The following VWF variants were observed in gnomAD, a reference collection of about 807,000 sequenced individuals.
The protein encoded by VWF is Factor VIII related antigen.
A neutral mutation model predicts 308.6 loss-of-function variants in VWF; 176 were observed. The ratio of observed to expected loss-of-function variants is 0.57; its 90% CI spans 0.50 to 0.65. The LOEUF is 0.65. VWF is among the 30% of genes least tolerant of loss of function. The probability of loss-of-function intolerance (pLI) is 0.00; values close to 1 mark genes in which losing one functional copy is unlikely to be tolerated. For synonymous variants in VWF, 1,385 were observed against 1,443.4 expected (o/e 0.96, Z 0.92); for missense variants, 3,146 against 3,648.2 (o/e 0.86, Z 3.55).
At chr12:5,968,189 A>C (rs766884340) in intron 45 of VWF, 22 bp from the exon 46 acceptor site, 2 of 1,613,748 alleles carry the variant, frequency 1.2e-6, no homozygotes, top group Non-Finnish European at 1.7e-6. Context: ...AAAAGTGCAG[A>C]GTGAGAGTGG....
intron 34 of VWF, among the ~76,000 whole-genome samples, chr12:6,009,129 A>G (rs1943964268): frequency 6.6e-6 from 1 of 152,148 alleles, no homozygotes; most frequent in Admixed American, 6.5e-5. Flanking sequence ...CAAAGAAACA[A>G]TCAACAGAAT....
intron 31 of VWF, 23 bp from the exon 32 acceptor site, chr12:6,013,668 A>C (rs764161202): frequency 6.8e-6 from 11 of 1,612,252 alleles, no homozygotes; most frequent in Middle Eastern, 4.2e-4. Flanking sequence ...AAGAGACAAG[A>C]AAGGATCTGT....
intron 28 of VWF, among the ~76,000 whole-genome samples, chr12:6,017,510 T>A (rs535620419): frequency 6.6e-6 from 1 of 152,224 alleles, no homozygotes; most frequent in Non-Finnish European, 1.5e-5. Context: ...AAAAGAAGGC[T>A]TATTATTCTG....
chr12:5,976,027 A>G lies in VWF; in HGVS notation c.7437+84T>C, dbSNP rs1047900455. On this transcript the variant is annotated intron_variant, in intron 43 of 51. Transcript: ENST00000261405. ...CGAGTCTCCATTTCAAAAAAAAAAG[A>G]ACCTTTCTTACCCTTCCTAAGATGC... is the stretch of plus-strand genomic sequence containing the variant. The G allele has an allele frequency of 5.9e-6, 9 of 1,537,688 alleles. No individual in the cohort carries two copies. In the Middle Eastern group the frequency reaches 6.9e-4, roughly 117 times the overall value.
chr12:6,120,328 G>GT (rs1041593699), intron 3 of VWF, among the ~76,000 whole-genome samples: 316 of 145,554 alleles, frequency 2.2e-3, no homozygotes, highest in African/African-American at 4.7e-3. Context: ...TTTGTGGGTT[G>GT]TTTTTTTTTT....
At chr12:6,054,577 T>C (rs1454354194) in intron 15 of VWF, among the ~76,000 whole-genome samples, 6 of 152,250 alleles carry the variant, frequency 3.9e-5, no homozygotes, top group Admixed American at 3.9e-4. Context: ...ATCCACTGCA[T>C]GCCAGGGGCT....
chr12:6,037,709 T>C (rs550585146), intron 18 of VWF, among the ~76,000 whole-genome samples: 14 of 152,158 alleles, frequency 9.2e-5, no homozygotes, highest in Admixed American at 2.6e-4. Context: ...CTGTGGCACC[T>C]TGGCTCCAGA....
Position 6,057,899 on chromosome 12 carries a change from T to TGGCAGTCCCC in VWF, c.1669_1678dup (p.Gln560ArgfsTer93). 2.5e-6 allele frequency: 4 copies of TGGCAGTCCCC among 1,612,762 alleles called. No individual in the cohort carries two copies. Among genetic ancestry groups the TGGCAGTCCCC allele is most frequent in the Non-Finnish European group, 3.4e-6 (4 of 1,179,360 alleles). On this transcript the variant is annotated frameshift_variant, in exon 14 of 52. Transcript: ENST00000261405. LOFTEE classifies it high-confidence loss of function. Reference sequence around the variant, plus strand: ...ATCGCTGTGCTGCTTCTGCAGGTCCTGGCAGTCCCCGTGCAGCTTCCAGGC... The same window carrying TGGCAGTCCCC: ...ATCGCTGTGCTGCTTCTGCAGGTCCTGGCAGTCCCCGGCAGTCCCCGTGCAGCTTCCAGGC...
At chr12:6,113,001 G>A (rs1945326747) in intron 3 of VWF, among the ~76,000 whole-genome samples, 2 of 152,118 alleles carry the variant, frequency 1.3e-5, no homozygotes, top group African/African-American at 4.8e-5. Context: ...TCTATTCTAG[G>A]AATAGTTTTA....
intron 36 of VWF, 22 bp from the exon 37 acceptor site, chr12:5,994,225 A>C (rs374408865): frequency 3.8e-5 from 62 of 1,613,680 alleles, no homozygotes; most frequent in South Asian, 3.0e-4. Context: ...AACAAACAAA[A>C]AAAAGATAAA....
At position 6,092,614 on chromosome 12, in the gene VWF, T is replaced by TGAGTGAGAGAGAGAGAGAGAGAGAGAGA. The variant is rs71064187; in HGVS notation, c.657+2845_657+2846insTCTCTCTCTCTCTCTCTCTCTCTCACTC. The stretch of plus-strand genomic sequence containing the variant: ...CATGCCCAGCTAGTTAGTGAGTGAG[T>TGAGTGAGAGAGAGAGAGAGAGAGAGAGA]GAGAGTGTGTGTGTGTGTGTGTGTG... On this transcript the variant is annotated intron_variant, in intron 6 of 51. Coordinates refer to ENST00000261405, the MANE Select transcript of VWF (RefSeq NM_000552.5). 2.8e-4 allele frequency among the ~76,000 whole-genome samples: 24 copies of TGAGTGAGAGAGAGAGAGAGAGAGAGAGA among 86,082 alleles called. 2 individuals are homozygous for TGAGTGAGAGAGAGAGAGAGAGAGAGAGA. Among genetic ancestry groups the TGAGTGAGAGAGAGAGAGAGAGAGAGAGA allele is most frequent in the African/African-American group, 1.2e-3 (21 of 17,256 alleles). 56.5% of individuals were successfully genotyped at this position (86,082 alleles called of 152,430 possible). A position where few individuals can be genotyped will look rare whatever the true frequency, so the allele number is the denominator to read the frequency against.
chr12:6,099,507 C>A (rs943949064), intron 5 of VWF, among the ~76,000 whole-genome samples: 1 of 152,018 alleles, frequency 6.6e-6, no homozygotes, highest in Admixed American at 6.6e-5. Context: ...AACACAAAAC[C>A]CTTCAAAGAT....
chr12:6,039,036 G>C (rs1001055673), intron 18 of VWF, among the ~76,000 whole-genome samples: 2 of 152,330 alleles, frequency 1.3e-5, no homozygotes, highest in East Asian at 3.9e-4. Flanking sequence ...GAGGGGAGCT[G>C]TGCAGAGAGG....
intron 3 of VWF, among the ~76,000 whole-genome samples, chr12:6,112,475 GAT>G (rs1009042548): frequency 2.0e-5 from 3 of 152,206 alleles, no homozygotes; most frequent in Non-Finnish European, 4.4e-5. Context: ...AAATAGGAAA[GAT>G]AGGGGCAGCC....
intron 6 of VWF, among the ~76,000 whole-genome samples, chr12:6,090,453 G>C (rs1229400042): frequency 6.6e-6 from 1 of 152,260 alleles, no homozygotes; most frequent in South Asian, 2.1e-4. Flanking sequence ...TAGTTGCGAG[G>C]GGGAAGGAGA....
intron 34 of VWF, among the ~76,000 whole-genome samples, chr12:6,008,338 T>G (rs137953063): frequency 1.3e-5 from 2 of 152,348 alleles, no homozygotes; most frequent in African/African-American, 4.8e-5. Context: ...GAGTGGGATT[T>G]ATCCCTCAGA....
chr12:6,065,144 G>A lies in VWF; in HGVS notation c.1286C>T (p.Thr429Ile), dbSNP rs764823369. The A allele has an allele frequency of 3.7e-6, 6 of 1,614,112 alleles. No homozygotes were observed. In the East Asian group the frequency reaches 8.9e-5, roughly 24 times the overall value. Residue 429 changes from threonine to isoleucine, a missense_variant, in exon 11 of 52, where the codon ACT (threonine) becomes ATT (isoleucine). Thr to Ile is a moderately conservative substitution (Grantham distance 89). This residue lies in a region of VWF where 1,304 missense variants were observed against 1,353.0 expected (regional missense o/e 0.96). Coordinates refer to ENST00000261405, the MANE Select transcript of VWF (RefSeq NM_000552.5). The part of the protein sequence containing the change: ...QDHSFSIVIE[T>I]VQCADDRDAV... Reference sequence around the variant, plus strand: ...CGGGCTGGCAAAGCTCACCTGGACAGTCTCAATGACAATGGAGAAGGAGTG... The same window carrying A: ...CGGGCTGGCAAAGCTCACCTGGACAATCTCAATGACAATGGAGAAGGAGTG...
At chr12:6,107,537 A>C (rs1945256619) in intron 5 of VWF, among the ~76,000 whole-genome samples, 1 of 152,232 alleles carries the variant, frequency 6.6e-6, no homozygotes, top group Non-Finnish European at 1.5e-5. Context: ...ACATCAAACA[A>C]ACACTAACCA....
At chr12:6,005,240 T>G (rs187411472) in intron 34 of VWF, among the ~76,000 whole-genome samples, 122 of 152,270 alleles carry the variant, frequency 8.0e-4, no homozygotes, top group African/African-American at 2.3e-3. Flanking sequence ...ATTAAGACAA[T>G]GTGGTTTTGG....
Sources: gnomAD v4.1 joint callset for allele counts (sites outside exome capture counted in the v4.1 genomes callset) on GRCh38, gnomAD v4.1.1 for gene constraint, gnomAD v4.1.1 regional missense constraint, MANE v1.5 for transcripts, NCBI Gene and HGNC (gene_info 2026-07-23, HGNC 2026-07-21) for gene names.